Variants in MAML3 observed in about 807,000 individuals in gnomAD.
MAML3 encodes the protein mastermind like transcriptional coactivator 3.
In MAML3, 27 loss-of-function variants were observed where a neutral mutation model predicts 101.9. The ratio of observed to expected loss-of-function variants is 0.27; its 90% confidence interval spans 0.20 to 0.37. The LOEUF (loss-of-function observed/expected upper bound fraction) is 0.37, where lower values mean the gene tolerates loss of function less well. Among genes scored for constraint, MAML3 ranks in the 10% least tolerant of loss-of-function variants. MAML3 has a pLI of 1.00. For missense variants in MAML3, 1,316 were observed against 1,444.9 expected (o/e 0.91, Z 1.45); for synonymous variants, 501 against 555.9 (o/e 0.90, Z 1.39).
chr4:139,899,928 T>G (rs748637449), intron 1 of MAML3, among the ~76,000 whole-genome samples: 4 of 152,168 alleles, frequency 2.6e-5, no homozygotes, highest in Non-Finnish European at 5.9e-5. Context: ...GTGTCAGCCG[T>G]AAGCAGTTAA....
At chr4:140,014,655 G>A (rs4863723) in intron 1 of MAML3, among the ~76,000 whole-genome samples, 64,943 of 152,020 alleles carry the variant, frequency 0.43, 15,040 homozygotes, top group East Asian at 0.65. Flanking sequence ...GACGTGGTAG[G>A]TTACAATAGA....
At chr4:140,075,814 G>A (rs1007147059) in intron 1 of MAML3, among the ~76,000 whole-genome samples, 1 of 151,884 alleles carries the variant, frequency 6.6e-6, no homozygotes, top group Non-Finnish European at 1.5e-5. Flanking sequence ...AGGCTGGAGT[G>A]CAGTGGTATG....
At chr4:140,070,525 C>G (rs1380364058) in intron 1 of MAML3, among the ~76,000 whole-genome samples, 13 of 152,154 alleles carry the variant, frequency 8.5e-5, no homozygotes, top group African/African-American at 2.9e-4. Flanking sequence ...GCAGAACCCA[C>G]AAAGAAAAGG....
intron 1 of MAML3, among the ~76,000 whole-genome samples, chr4:139,929,929 T>A (rs1578602531): frequency 6.6e-6 from 1 of 152,172 alleles, no homozygotes; most frequent in East Asian, 1.9e-4. Flanking sequence ...GGAAGTCTGG[T>A]GTGAATGCCC....
At chr4:139,796,756 G>C (rs954473235) in intron 2 of MAML3, among the ~76,000 whole-genome samples, 1 of 152,064 alleles carries the variant, frequency 6.6e-6, no homozygotes, top group Non-Finnish European at 1.5e-5. Context: ...ATTGCAAAAA[G>C]GTTACAATAT....
chr4:139,946,423 C>T (rs1249723058), intron 1 of MAML3, among the ~76,000 whole-genome samples: 3 of 152,046 alleles, frequency 2.0e-5, no homozygotes, highest in African/African-American at 7.2e-5. Context: ...ACGAGCCTGA[C>T]AATGTGAATA....
At chr4:140,050,641 C>T (rs910280022) in intron 1 of MAML3, among the ~76,000 whole-genome samples, 3 of 152,148 alleles carry the variant, frequency 2.0e-5, no homozygotes, top group African/African-American at 4.8e-5. Context: ...AAATTTTCAG[C>T]CCCCTCATTC....
At chr4:139,807,596 C>G (rs949528757) in intron 2 of MAML3, among the ~76,000 whole-genome samples, 1 of 152,140 alleles carries the variant, frequency 6.6e-6, no homozygotes, top group Admixed American at 6.5e-5. Flanking sequence ...CTCAAGGGAG[C>G]ATACACGTAC....
intron 2 of MAML3, among the ~76,000 whole-genome samples, chr4:139,757,633 G>C (rs1480514323): frequency 2.7e-5 from 3 of 110,068 alleles, no homozygotes; most frequent in Non-Finnish European, 5.5e-5. Flanking sequence ...ACAGAGTGAG[G>C]CTCCATTTCA....
chr4:140,053,320 T>G (rs553037039), intron 1 of MAML3, among the ~76,000 whole-genome samples: 10 of 152,278 alleles, frequency 6.6e-5, no homozygotes, highest in African/African-American at 1.9e-4. Flanking sequence ...CTTCATCTCC[T>G]TCACTGACTC....
chr4:139,774,956 G>T (rs1730064903), intron 2 of MAML3, among the ~76,000 whole-genome samples: 1 of 152,120 alleles, frequency 6.6e-6, no homozygotes, highest in South Asian at 2.1e-4. Flanking sequence ...GCTACACCTG[G>T]GATGGGGCCA....
intron 1 of MAML3, among the ~76,000 whole-genome samples, chr4:140,145,738 G>C (rs183439983): frequency 6.6e-6 from 1 of 151,892 alleles, no homozygotes; most frequent in East Asian, 1.9e-4. Flanking sequence ...GCTAATTTTT[G>C]TATTTTTCGT....
chr4:140,052,200 C>G (rs1158839341), intron 1 of MAML3, among the ~76,000 whole-genome samples: 1 of 152,202 alleles, frequency 6.6e-6, no homozygotes, highest in Non-Finnish European at 1.5e-5. Flanking sequence ...ACCTACCTAA[C>G]TCTAATGTTT....
At chr4:140,060,380 A>AAAAAAAAAAAAAAAAAAAAAAAAAAAC (rs1727425700) in intron 1 of MAML3, among the ~76,000 whole-genome samples, 1 of 147,900 alleles carries the variant, frequency 6.8e-6, no homozygotes, top group Non-Finnish European at 1.5e-5. Context: ...AAAAAAAAAA[A>AAAAAAAAAAAAAAAAAAAAAAAAAAAC]AAAAAGTCAC....
chr4:139,739,584 C>G (rs972037389), intron 2 of MAML3, among the ~76,000 whole-genome samples: 2 of 151,638 alleles, frequency 1.3e-5, no homozygotes, highest in African/African-American at 4.8e-5. Context: ...ACCATGAATA[C>G]TAGGCAGCCA....
chr4:139,891,004 C>A, intron 1 of MAML3, 37 bp from the exon 2 acceptor site: 1 of 1,583,202 alleles, frequency 6.3e-7, no homozygotes, highest in Non-Finnish European at 8.6e-7. Context: ...ACTAAACCTC[C>A]AAGTCATATT....
chr4:140,067,596 T>TG (rs1727560701), intron 1 of MAML3, among the ~76,000 whole-genome samples: 1 of 152,196 alleles, frequency 6.6e-6, no homozygotes, highest in Admixed American at 6.5e-5. Flanking sequence ...GCATACTCAA[T>TG]GGCCAAGATT....
intron 1 of MAML3, among the ~76,000 whole-genome samples, chr4:139,974,251 G>A (rs28417575): frequency 0.31 from 47,694 of 151,442 alleles, 8,335 homozygotes; most frequent in East Asian, 0.62. Context: ...GATTACAGGC[G>A]CCCACCACCA....
chr4:140,132,608 G>A (rs951269512), intron 1 of MAML3, among the ~76,000 whole-genome samples: 1 of 152,176 alleles, frequency 6.6e-6, no homozygotes. Context: ...GAGAGTTGGC[G>A]ACCACTTTAA....
Sources: allele counts gnomAD v4.1 joint callset (sites outside exome capture counted in the v4.1 genomes callset), GRCh38; gene constraint gnomAD v4.1.1; transcripts MANE v1.5; gene names NCBI Gene and HGNC (gene_info 2026-07-23, HGNC 2026-07-21).